Variants in PKIA observed in about 807,000 individuals in gnomAD.
PKIA encodes the protein PKI-alpha.
A neutral mutation model predicts 7.6 loss-of-function variants in PKIA; 4 were observed. That is an observed-to-expected ratio of 0.52 (90% CI 0.26 to 1.20). The LOEUF (loss-of-function observed/expected upper bound fraction) is 1.20, where lower values mean the gene tolerates loss of function less well. Ranked by LOEUF, PKIA falls within the 50% of genes most tolerant of loss-of-function variation. The pLI is 0.13. For synonymous variants in PKIA, 21 were observed against 30.7 expected (o/e 0.68, Z 1.04); for missense variants, 73 against 86.2 (o/e 0.85, Z 0.61).
chr8:78,543,910 G>A (rs1038922597), intron 1 of PKIA, among the ~76,000 whole-genome samples: 7 of 152,164 alleles, frequency 4.6e-5, no homozygotes, highest in Admixed American at 3.3e-4. Flanking sequence ...CTGCAGCTCC[G>A]TTATTTCCAA....
At chr8:78,596,957 GT>G (rs1808238788) in intron 2 of PKIA, among the ~76,000 whole-genome samples, 1 of 152,136 alleles carries the variant, frequency 6.6e-6, no homozygotes, top group Non-Finnish European at 1.5e-5. Context: ...GCCATTGCTT[GT>G]TTTTGTCAAT....
chr8:78,550,225 G>A (rs1363202149), intron 1 of PKIA, among the ~76,000 whole-genome samples: 1 of 152,124 alleles, frequency 6.6e-6, no homozygotes, highest in Non-Finnish European at 1.5e-5. Flanking sequence ...TTGTCAATGT[G>A]ATTAGACATT....
intron 1 of PKIA, among the ~76,000 whole-genome samples, chr8:78,545,479 T>A (rs909756292): frequency 2.6e-5 from 4 of 152,026 alleles, no homozygotes; most frequent in Non-Finnish European, 4.4e-5. Flanking sequence ...GATAAACAGT[T>A]TTGCTGGAAA....
Position 78,571,529 on chromosome 8 carries a change from A to G in PKIA, c.-156-1282A>G, listed in dbSNP as rs535536116. Among the ~76,000 whole-genome samples, 10 of 152,198 alleles carry G rather than the reference A, an allele frequency of 6.6e-5. No individual in the cohort carries two copies. The South Asian group carries it at 8.3e-4, about 13-fold the overall frequency. On this transcript the variant is annotated intron_variant, in intron 1 of 3. Coordinates refer to ENST00000396418, the MANE Select transcript of PKIA (RefSeq NM_006823.4). ...GACAGAGGGGATTTGGGATATAAAT[A>G]CTTCGACTTTCTCACCCACTGGTGG...
chr8:78,533,971 G>A (rs1424891766), intron 1 of PKIA: 1 of 152,082 alleles, frequency 6.6e-6, no homozygotes, highest in Admixed American at 6.6e-5. Context: ...AGCTTTACAA[G>A]ATTAAAGGTT....
chr8:78,569,249 T>C (rs927322982), intron 1 of PKIA, among the ~76,000 whole-genome samples: 1 of 151,840 alleles, frequency 6.6e-6, no homozygotes, highest in African/African-American at 2.4e-5. Context: ...AGAAAGAGAG[T>C]TGACACTTCA....
intron 2 of PKIA, among the ~76,000 whole-genome samples, chr8:78,579,411 C>G (rs1280212033): frequency 1.3e-5 from 2 of 151,960 alleles, no homozygotes; most frequent in Non-Finnish European, 2.9e-5. Flanking sequence ...GCCTTACTGT[C>G]CAAACTCATT....
chr8:78,530,992 A>G (rs995378158), intron 1 of PKIA, among the ~76,000 whole-genome samples: 4 of 152,092 alleles, frequency 2.6e-5, no homozygotes, highest in Non-Finnish European at 5.9e-5. Flanking sequence ...TGCTTTTTAA[A>G]ATAGCCTGAC....
At chr8:78,547,710 CTAATT>C (rs1013690050) in intron 1 of PKIA, among the ~76,000 whole-genome samples, 1 of 152,096 alleles carries the variant, frequency 6.6e-6, no homozygotes, top group African/African-American at 2.4e-5. Flanking sequence ...GTTGTTTGCA[CTAATT>C]TGATTTATAT....
intron 1 of PKIA, among the ~76,000 whole-genome samples, chr8:78,521,047 A>G (rs895800967): frequency 5.3e-5 from 8 of 152,120 alleles, no homozygotes; most frequent in African/African-American, 1.9e-4. Flanking sequence ...CAAAAAAGGC[A>G]TGGAAAGGGA....
chr8:78,595,200 A>G (rs1046656482), intron 2 of PKIA, among the ~76,000 whole-genome samples: 4 of 152,212 alleles, frequency 2.6e-5, no homozygotes, highest in Non-Finnish European at 5.9e-5. Flanking sequence ...GATCAAAGGG[A>G]CTTCTTGATG....
intron 2 of PKIA, among the ~76,000 whole-genome samples, chr8:78,583,154 A>G (rs1185129463): frequency 6.6e-6 from 1 of 152,162 alleles, no homozygotes; most frequent in East Asian, 1.9e-4. Context: ...TTTTAGAAGA[A>G]TACCATACTT....
At chr8:78,586,190 C>T (rs1466024262) in intron 2 of PKIA, among the ~76,000 whole-genome samples, 2 of 152,086 alleles carry the variant, frequency 1.3e-5, no homozygotes, top group Non-Finnish European at 1.5e-5. Flanking sequence ...TTTCTCCCAT[C>T]CTGGGCAATT....
At chr8:78,600,248 A>C (rs1808321546) in intron 3 of PKIA, among the ~76,000 whole-genome samples, 1 of 152,022 alleles carries the variant, frequency 6.6e-6, no homozygotes, top group African/African-American at 2.4e-5. Context: ...AAAAATGGCA[A>C]TTATATAATG....
chr8:78,547,598 T>G (rs1806863777), intron 1 of PKIA, among the ~76,000 whole-genome samples: 1 of 152,208 alleles, frequency 6.6e-6, no homozygotes, highest in African/African-American at 2.4e-5. Flanking sequence ...TGAATACTTG[T>G]TGCTAATTTG....
At chr8:78,584,197 G>A (rs1307013340) in intron 2 of PKIA, among the ~76,000 whole-genome samples, 1 of 151,866 alleles carries the variant, frequency 6.6e-6, no homozygotes, top group Non-Finnish European at 1.5e-5. Context: ...GTGTGTTTGT[G>A]CTGCCTTTGC....
At chr8:78,548,199 A>G (rs1007111934) in intron 1 of PKIA, among the ~76,000 whole-genome samples, 1 of 152,168 alleles carries the variant, frequency 6.6e-6, no homozygotes, top group Non-Finnish European at 1.5e-5. Context: ...TAGTATATTA[A>G]TAGCCTCATT....
At chr8:78,583,844 T>A (rs1217686070) in intron 2 of PKIA, among the ~76,000 whole-genome samples, 1 of 152,054 alleles carries the variant, frequency 6.6e-6, no homozygotes, top group Non-Finnish European at 1.5e-5. Context: ...TATATCCCAC[T>A]GCTCAAAGTC....
At position 78,603,619 on chromosome 8, in the gene PKIA, C is replaced by T. The variant is rs1341723203; in HGVS notation, c.*1798C>T. On this transcript the variant is annotated 3_prime_UTR_variant, in exon 4 of 4. Transcript: ENST00000396418. The stretch of plus-strand genomic sequence containing the variant: ...TGCCCAGTAAAATTCAAACACATCA[C>T]CTATTAATAGACTTACAAGTGAGAA... 1 of 151,954 alleles carries T rather than the reference C, an allele frequency of 6.6e-6. No homozygotes were observed. Among genetic ancestry groups the T allele is most frequent in the Non-Finnish European group, 1.5e-5 (1 of 67,944 alleles). 9.4% of individuals were successfully genotyped at this position (151,954 alleles called of 1,614,324 possible). A position where few individuals can be genotyped will look rare whatever the true frequency, so the allele number is the denominator to read the frequency against.
Sources: allele counts gnomAD v4.1 joint callset (sites outside exome capture counted in the v4.1 genomes callset), GRCh38; gene constraint gnomAD v4.1.1; transcripts MANE v1.5; gene names NCBI Gene and HGNC (gene_info 2026-07-23, HGNC 2026-07-21).